ACTL7B: variants seen among roughly 807,000 people sequenced by gnomAD.
ACTL7B encodes the protein actin-like protein 7B.
Under a neutral mutation model 17.5 loss-of-function variants are expected in ACTL7B, and 14 were observed. The observed-to-expected ratio is 0.80, with a 90% CI of 0.53 to 1.25. The LOEUF (loss-of-function observed/expected upper bound fraction) is 1.25, where lower values mean the gene tolerates loss of function less well. Among genes scored for constraint, ACTL7B ranks in the 50% most tolerant of loss-of-function variants. The pLI, the probability that ACTL7B is intolerant of heterozygous loss-of-function variation, is 0.00. For missense variants in ACTL7B, 599 were observed against 573.9 expected (o/e 1.04, Z -0.45); for synonymous variants, 267 against 252.4 (o/e 1.06, Z -0.55).
Position 108,855,533 on chromosome 9 carries a change from A to G in ACTL7B, c.398T>C (p.Ile133Thr). The change falls in exon 1 of 1, where the codon ATC becomes ACC. Residue 133 changes from isoleucine (I) to threonine (T), a missense_variant. Physicochemically the swap from Ile to Thr is moderately conservative, Grantham distance 89 (BLOSUM62 -1). Transcript: ENST00000374667. ...GAGGATCTTCATGGCGGTGCGGAAG[A>G]TGTACTCCCAGATGTCCTGCACGCA... ...WDCVQDIWEY[I>T]FRTAMKILPE... 1 of 1,613,578 alleles carries G rather than the reference A, an allele frequency of 6.2e-7. No individual in the cohort carries two copies. The highest frequency in any genetic ancestry group is 8.5e-7 in the Non-Finnish European group (1 of 1,180,036).
Position 108,855,653 on chromosome 9 carries a change from C to G in ACTL7B, c.278G>C (p.Arg93Pro). 1 of 1,613,350 alleles carries G rather than the reference C, an allele frequency of 6.2e-7. No homozygotes were observed. The highest frequency in any genetic ancestry group is 8.5e-7 in the Non-Finnish European group (1 of 1,180,040). ...CPEAADAGDT[R>P]KWTLVGHELL... is the part of the protein sequence containing the mutation. ...CTCATGGCCCACTAAAGTCCACTTG[C>G]GGGTGTCGCCAGCGTCGGCCGCCTC... is the stretch of plus-strand genomic sequence containing the variant. The change falls in exon 1 of 1, where the codon CGC (arginine) becomes CCC (proline). Residue 93 changes from arginine (R) to proline (P), a missense_variant. Transcript: ENST00000374667.
In ACTL7B at chr9:108,854,726, T is replaced by C. The variant is rs776643262; in HGVS notation, c.1205A>G (p.Glu402Gly). Residue 402 changes from glutamate to glycine, a missense_variant, in exon 1 of 1, where the codon GAG (glutamate) becomes GGG (glycine). Transcript: ENST00000374667. ...AFQQLWVSKEEFEERGSVAIY... is the reference protein window; with the variant it reads ...AFQQLWVSKEGFEERGSVAIY... ...GGCCACGCTGCCCCGCTCCTCAAAC[T>C]CTTCCTTGCTGACCCAGAGCTGTTG... The C allele has an allele frequency of 1.3e-6, 2 of 1,531,928 alleles. No individual in the cohort carries two copies. Among genetic ancestry groups the C allele is most frequent in the Non-Finnish European group, 1.8e-6 (2 of 1,139,530 alleles). The allele number at this position is 1,531,928 out of a possible 1,614,324, so 94.9% of individuals were successfully genotyped here.
At position 108,855,579 on chromosome 9, in the gene ACTL7B, C is replaced by T; in HGVS notation, c.352G>A (p.Gly118Ser). 3 of 1,613,776 alleles carry T rather than the reference C, an allele frequency of 1.9e-6. No individual in the cohort carries two copies. The highest frequency in any genetic ancestry group is 2.5e-6 in the Non-Finnish European group (3 of 1,180,034). ...ACGCAGTCCCAGTCCACCACGATGC[C>T]GTGCTTCAGCGGGTTCACCAGCTTG... The part of the protein sequence containing the change: ...PLKLVNPLKH[G>S]IVVDWDCVQD... Residue 118 changes from glycine to serine, a missense_variant, in exon 1 of 1, where the codon GGC becomes AGC. Physicochemically the swap from Gly to Ser is moderately conservative, Grantham distance 56. Coordinates refer to ENST00000374667, the MANE Select transcript of ACTL7B (RefSeq NM_006686.4).
rs750766541 is a variant in ACTL7B, at chr9:108,855,520, G to A, written c.411C>T (p.Ala137=). The change falls in exon 1 of 1, where the codon GCC becomes GCT. Residue 137 remains alanine, a synonymous_variant. Coordinates refer to ENST00000374667, the MANE Select transcript of ACTL7B (RefSeq NM_006686.4). ...CGTGCTCCTCGGGGAGGATCTTCAT[G>A]GCGGTGCGGAAGATGTACTCCCAGA... ...QDIWEYIFRT[A]MKILPEEHAV... 26 of 1,613,486 alleles carry A rather than the reference G, an allele frequency of 1.6e-5. No homozygotes were observed. In the Admixed American group the frequency reaches 4.2e-4, roughly 26 times the overall value.
At position 108,855,181 on chromosome 9, in the gene ACTL7B, G is replaced by A; in HGVS notation, c.750C>T (p.His250=). The A allele has an allele frequency of 6.2e-7, 1 of 1,605,860 alleles. No individual in the cohort carries two copies. Among genetic ancestry groups the A allele is most frequent in the Non-Finnish European group, 8.5e-7 (1 of 1,178,316 alleles). The change falls in exon 1 of 1, where the codon CAC becomes CAT. Residue 250 remains histidine, a synonymous_variant. Coordinates refer to ENST00000374667, the MANE Select transcript of ACTL7B (RefSeq NM_006686.4). ...AGHAFTDDHL[H]IIEHIKKKCC... The stretch of plus-strand genomic sequence containing the variant: ...ACTTCTTCTTGATGTGCTCTATGAT[G>A]TGCAGGTGGTCGTCCGTGAATGCGT...
rs1255421384 is a variant in ACTL7B, at chr9:108,855,644, G to A, written c.287C>T (p.Thr96Ile). ...AADAGDTRKW[T>I]LVGHELLNTE... ...GTTGAGCAGCTCATGGCCCACTAAAGTCCACTTGCGGGTGTCGCCAGCGTC... is the reference window on the plus strand; with the variant it reads ...GTTGAGCAGCTCATGGCCCACTAAAATCCACTTGCGGGTGTCGCCAGCGTC... The change falls in exon 1 of 1, where the codon ACT becomes ATT. Residue 96 changes from threonine to isoleucine, a missense_variant. Physicochemically the swap from Thr to Ile is moderately conservative, Grantham distance 89. Coordinates refer to ENST00000374667, the MANE Select transcript of ACTL7B (RefSeq NM_006686.4). The A allele has an allele frequency of 5.0e-6, 8 of 1,613,478 alleles. No homozygotes were observed. The highest frequency in any genetic ancestry group is 2.7e-5 in the African/African-American group (2 of 74,950).
At position 108,854,993 on chromosome 9, in the gene ACTL7B, G is replaced by T. The variant is rs772114913; in HGVS notation, c.938C>A (p.Pro313Gln). The change falls in exon 1 of 1, where the codon CCG becomes CAG. Residue 313 changes from proline to glutamine, a missense_variant. Transcript: ENST00000374667. ...FQPSLAGSTQ[P>Q]GLPELTAACL... is the part of the protein sequence containing the mutation. ...GGCAGCTGTGAGCTCCGGGAGGCCC[G>T]GCTGGGTGCTGCCTGCCAGGGAGGG... 6.6e-7 allele frequency: 1 copy of T among 1,517,512 alleles called. No individual in the cohort carries two copies. The highest frequency in any genetic ancestry group is 8.8e-7 in the Non-Finnish European group (1 of 1,132,450). 94.0% of individuals were successfully genotyped at this position (1,517,512 alleles called of 1,614,324 possible).
chr9:108,855,628 C>A lies in ACTL7B; in HGVS notation c.303G>T (p.Glu101Asp). Residue 101 changes from glutamate (E) to aspartate (D), a missense_variant, in exon 1 of 1, where the codon GAG (glutamate) becomes GAT (aspartate). Coordinates refer to ENST00000374667, the MANE Select transcript of ACTL7B (RefSeq NM_006686.4). Reference sequence around the variant, plus strand: ...TGAGAGGCGCCTCCGTGTTGAGCAGCTCATGGCCCACTAAAGTCCACTTGC... The same window carrying A: ...TGAGAGGCGCCTCCGTGTTGAGCAGATCATGGCCCACTAAAGTCCACTTGC... Reference protein sequence around the residue: ...DTRKWTLVGHELLNTEAPLKL... With the variant: ...DTRKWTLVGHDLLNTEAPLKL... 1 of 1,613,784 alleles carries A rather than the reference C, an allele frequency of 6.2e-7. No individual in the cohort carries two copies. Among genetic ancestry groups the A allele is most frequent in the East Asian group, 2.2e-5 (1 of 44,880 alleles).
At position 108,855,926 on chromosome 9, in the gene ACTL7B, G is replaced by A. The variant is rs139165156; in HGVS notation, c.5C>T (p.Ala2Val). ...CAGGGGCATGGGGCTGTTCCTTGTC[G>A]CCATCTGCCTCCCTTGCTCCCCTTC... M[A>V]TRNSPMPLGT... The change falls in exon 1 of 1, where the codon GCG becomes GTG. Residue 2 changes from alanine to valine, a missense_variant. Physicochemically the swap from Ala to Val is moderately conservative, Grantham distance 64 (BLOSUM62 0). Coordinates refer to ENST00000374667, the MANE Select transcript of ACTL7B (RefSeq NM_006686.4). 8.5e-5 allele frequency: 134 copies of A among 1,572,086 alleles called. No individual in the cohort carries two copies. Among genetic ancestry groups the A allele is most frequent in the Non-Finnish European group, 1.0e-4 (122 of 1,162,092 alleles).
Position 108,855,809 on chromosome 9 carries a change from A to G in ACTL7B, c.122T>C (p.Met41Thr). 6.2e-7 allele frequency: 1 copy of G among 1,611,066 alleles called. No homozygotes were observed. Residue 41 changes from methionine (M) to threonine (T), a missense_variant, in exon 1 of 1, where the codon ATG becomes ACG. Physicochemically the swap from Met to Thr is moderately conservative, Grantham distance 81. Coordinates refer to ENST00000374667, the MANE Select transcript of ACTL7B (RefSeq NM_006686.4). The part of the protein sequence containing the change: ...RDTGAATQLK[M>T]KPRKVHKIKA... ...GATCTTGTGCACCTTCCTGGGCTTC[A>G]TCTTGAGCTGAGTGGCCGCACCTGT...
Position 108,855,889 on chromosome 9 carries a change from C to A in ACTL7B, c.42G>T (p.Gln14His). The A allele has an allele frequency of 1.2e-6, 2 of 1,606,118 alleles. No individual in the cohort carries two copies. Among genetic ancestry groups the A allele is most frequent in the Non-Finnish European group, 8.5e-7 (1 of 1,177,144 alleles). ...RNSPMPLGTA[Q>H]GDPGEAGTRP... ...GTGTTCCTGCCTCTCCAGGGTCACC[C>A]TGAGCCGTGCCCAGGGGCATGGGGC... The change falls in exon 1 of 1, where the codon CAG becomes CAT. Residue 14 changes from glutamine to histidine, a missense_variant. Gln to His is a conservative substitution (Grantham distance 24). Coordinates refer to ENST00000374667, the MANE Select transcript of ACTL7B (RefSeq NM_006686.4).
chr9:108,854,739 C>T lies in ACTL7B; in HGVS notation c.1192G>A (p.Val398Ile). 2 of 1,556,526 alleles carry T rather than the reference C, an allele frequency of 1.3e-6. No homozygotes were observed. Among genetic ancestry groups the T allele is most frequent in the Non-Finnish European group, 1.7e-6 (2 of 1,152,222 alleles). ...CGCTCCTCAAACTCTTCCTTGCTGACCCAGAGCTGTTGGAAGGCCTGCAGG... is the reference window on the plus strand; with the variant it reads ...CGCTCCTCAAACTCTTCCTTGCTGATCCAGAGCTGTTGGAAGGCCTGCAGG... The part of the protein sequence containing the change: ...ASLQAFQQLW[V>I]SKEEFEERGS... The change falls in exon 1 of 1, where the codon GTC becomes ATC. Residue 398 changes from valine to isoleucine, a missense_variant. Physicochemically the swap from Val to Ile is conservative, Grantham distance 29. Coordinates refer to ENST00000374667, the MANE Select transcript of ACTL7B (RefSeq NM_006686.4).
chr9:108,854,754 A>C lies in ACTL7B; in HGVS notation c.1177T>G (p.Phe393Val). ...GGSILASLQA[F>V]QQLWVSKEEF... is the part of the protein sequence containing the mutation. ...TCCTTGCTGACCCAGAGCTGTTGGA[A>C]GGCCTGCAGGGAGGCCAGGATGGAA... is the stretch of plus-strand genomic sequence containing the variant. Residue 393 changes from phenylalanine (F) to valine (V), a missense_variant, in exon 1 of 1, where the codon TTC becomes GTC. Phe to Val is a conservative substitution (Grantham distance 50, BLOSUM62 -1). Coordinates refer to ENST00000374667, the MANE Select transcript of ACTL7B (RefSeq NM_006686.4). The C allele has an allele frequency of 6.4e-7, 1 of 1,570,050 alleles. No individual in the cohort carries two copies. The highest frequency in any genetic ancestry group is 8.6e-7 in the Non-Finnish European group (1 of 1,158,888).
Position 108,855,350 on chromosome 9 carries a change from C to T in ACTL7B, c.581G>A (p.Gly194Glu), listed in dbSNP as rs1827081588. The T allele has an allele frequency of 1.2e-6, 2 of 1,610,478 alleles. No individual in the cohort carries two copies. The highest frequency in any genetic ancestry group is 2.7e-5 in the African/African-American group (2 of 74,930). ...GCCGTGCCCGCTCTCCACCACCAGC[C>T]CCGAGGTCTTGCCGTAGGAGTAGAT... ...LSIYSYGKTSGLVVESGHGVS... is the reference protein window; with the variant it reads ...LSIYSYGKTSELVVESGHGVS... Residue 194 changes from glycine (G) to glutamate (E), a missense_variant, in exon 1 of 1, where the codon GGG (glycine) becomes GAG (glutamate). Coordinates refer to ENST00000374667, the MANE Select transcript of ACTL7B (RefSeq NM_006686.4).
rs778981066 is a variant in ACTL7B, at chr9:108,855,802, G to A, written c.129C>T (p.Pro43=). The change falls in exon 1 of 1, where the codon CCC becomes CCT. Residue 43 remains proline, a synonymous_variant. Coordinates refer to ENST00000374667, the MANE Select transcript of ACTL7B (RefSeq NM_006686.4). ...TGAATQLKMK[P]RKVHKIKAVI... The stretch of plus-strand genomic sequence containing the variant: ...CCGCCTTGATCTTGTGCACCTTCCT[G>A]GGCTTCATCTTGAGCTGAGTGGCCG... 2.5e-6 allele frequency: 4 copies of A among 1,610,748 alleles called. No homozygotes were observed. Among genetic ancestry groups the A allele is most frequent in the Admixed American group, 1.7e-5 (1 of 60,004 alleles).
In ACTL7B at chr9:108,855,163, C is replaced by A. The variant is rs1260635143; in HGVS notation, c.768G>T (p.Lys256Asn). 1 of 1,610,076 alleles carries A rather than the reference C, an allele frequency of 6.2e-7. No homozygotes were observed. Among genetic ancestry groups the A allele is most frequent in the South Asian group, 1.1e-5 (1 of 90,872 alleles). ...DDHLHIIEHI[K>N]KKCCYAAFLP... ...GGAAGGCCGCATAGCAGCACTTCTT[C>A]TTGATGTGCTCTATGATGTGCAGGT... The change falls in exon 1 of 1, where the codon AAG becomes AAT. Residue 256 changes from lysine (K) to asparagine (N), a missense_variant. Coordinates refer to ENST00000374667, the MANE Select transcript of ACTL7B (RefSeq NM_006686.4).
rs759993247 is a variant in ACTL7B at position 108,855,847 on chromosome 9, G to A, written c.84C>T (p.Ala28=). 5 of 1,611,476 alleles carry A rather than the reference G, an allele frequency of 3.1e-6. No homozygotes were observed. Among genetic ancestry groups the A allele is most frequent in the Admixed American group, 3.3e-5 (2 of 60,012 alleles). The change falls in exon 1 of 1, where the codon GCC becomes GCT. Residue 28 remains alanine (A), a synonymous_variant. Transcript: ENST00000374667. The stretch of plus-strand genomic sequence containing the variant: ...TGGCCGCACCTGTGTCCCGGAGGCT[G>A]GCGTCAGGGCCGGGCCGTGTTCCTG... ...GEAGTRPGPD[A]SLRDTGAATQ...
At position 108,855,601 on chromosome 9, in the gene ACTL7B, C is replaced by T; in HGVS notation, c.330G>A (p.Lys110=). 6.2e-7 allele frequency: 1 copy of T among 1,613,834 alleles called. No homozygotes were observed. The highest frequency in any genetic ancestry group is 1.3e-5 in the African/African-American group (1 of 75,068). Reference sequence around the variant, plus strand: ...TGCCGTGCTTCAGCGGGTTCACCAGCTTGAGAGGCGCCTCCGTGTTGAGCA... The same window carrying T: ...TGCCGTGCTTCAGCGGGTTCACCAGTTTGAGAGGCGCCTCCGTGTTGAGCA... The part of the protein sequence containing the change: ...HELLNTEAPL[K]LVNPLKHGIV... Residue 110 remains lysine (K), a synonymous_variant, in exon 1 of 1, where the codon AAG becomes AAA. Transcript: ENST00000374667.
Position 108,855,424 on chromosome 9 carries a change from C to A in ACTL7B, c.507G>T (p.Glu169Asp), listed in dbSNP as rs1164449358. ...NREKYAELMF[E>D]TFGIPAMHVT... Reference sequence around the variant, plus strand: ...CGTGCATGGCTGGGATGCCGAAGGTCTCAAACATGAGCTCCGCGTACTTCT... The same window carrying A: ...CGTGCATGGCTGGGATGCCGAAGGTATCAAACATGAGCTCCGCGTACTTCT... The change falls in exon 1 of 1, where the codon GAG (glutamate) becomes GAT (aspartate). Residue 169 changes from glutamate to aspartate, a missense_variant. Coordinates refer to ENST00000374667, the MANE Select transcript of ACTL7B (RefSeq NM_006686.4). 6.2e-7 allele frequency: 1 copy of A among 1,613,218 alleles called. No homozygotes were observed. The highest frequency in any genetic ancestry group is 8.5e-7 in the Non-Finnish European group (1 of 1,179,932).
Sources: allele counts gnomAD v4.1 joint callset, GRCh38; gene constraint gnomAD v4.1.1; transcripts MANE v1.5; gene names NCBI Gene and HGNC (gene_info 2026-07-23, HGNC 2026-07-21).